NT5DC1: variants seen among roughly 807,000 people sequenced by gnomAD.
NT5DC1 encodes the protein 5'-nucleotidase domain-containing protein 1.
A neutral mutation model predicts 59.4 loss-of-function variants in NT5DC1; 42 were observed. The observed-to-expected ratio is 0.71, with a 90% confidence interval of 0.55 to 0.92. NT5DC1 has a LOEUF of 0.92. Among genes scored for constraint, NT5DC1 ranks in the 40% least tolerant of loss-of-function variants. NT5DC1 has a pLI of 0.00. For missense variants in NT5DC1, 501 were observed against 537.1 expected (o/e 0.93, Z 0.66); for synonymous variants, 172 against 188.1 (o/e 0.91, Z 0.70).
chr6:116,126,975 T>G (rs1562128398), intron 6 of NT5DC1, among the ~76,000 whole-genome samples: 1 of 152,126 alleles, frequency 6.6e-6, no homozygotes, highest in Non-Finnish European at 1.5e-5. Context: ...TTAACAATAT[T>G]AGGAAGCCTT....
intron 4 of NT5DC1, among the ~76,000 whole-genome samples, chr6:116,112,368 C>T (rs752230098): frequency 5.3e-5 from 8 of 152,086 alleles, no homozygotes; most frequent in Non-Finnish European, 1.2e-4. Context: ...AAAAAATGGC[C>T]TGTGATACCA....
intron 8 of NT5DC1, among the ~76,000 whole-genome samples, chr6:116,229,864 C>T (rs920676510): frequency 1.3e-5 from 2 of 152,164 alleles, no homozygotes; most frequent in African/African-American, 4.8e-5. Context: ...CCAAATCTTT[C>T]CCTGAGACCT....
At chr6:116,122,787 C>T (rs1292648485) in intron 6 of NT5DC1, among the ~76,000 whole-genome samples, 2 of 151,648 alleles carry the variant, frequency 1.3e-5, no homozygotes, top group Non-Finnish European at 1.5e-5. Flanking sequence ...ATAGATATGC[C>T]GAAATAGGAA....
At chr6:116,215,683 C>A (rs1485957080) in intron 6 of NT5DC1, among the ~76,000 whole-genome samples, 1 of 152,094 alleles carries the variant, frequency 6.6e-6, no homozygotes, top group Non-Finnish European at 1.5e-5. Flanking sequence ...AAACTAGGTT[C>A]TTTTAGAATG....
At chr6:116,178,340 A>G (rs1433528617) in intron 6 of NT5DC1, among the ~76,000 whole-genome samples, 1 of 152,164 alleles carries the variant, frequency 6.6e-6, no homozygotes, top group Non-Finnish European at 1.5e-5. Context: ...CATAAGCCCT[A>G]GGACACCTTT....
intron 6 of NT5DC1, among the ~76,000 whole-genome samples, chr6:116,200,593 A>C (rs750352413): frequency 2.6e-5 from 4 of 152,044 alleles, no homozygotes; most frequent in Non-Finnish European, 4.4e-5. Flanking sequence ...GTAAGACACT[A>C]TTATAAGTAA....
At chr6:116,154,291 T>G (rs1476904902) in intron 6 of NT5DC1, among the ~76,000 whole-genome samples, 1 of 152,156 alleles carries the variant, frequency 6.6e-6, no homozygotes, top group East Asian at 1.9e-4. Flanking sequence ...TGGAGTAGGT[T>G]TCGTCTAGCT....
chr6:116,239,459 A>G (rs574313234), intron 11 of NT5DC1, among the ~76,000 whole-genome samples: 2 of 152,306 alleles, frequency 1.3e-5, no homozygotes, highest in African/African-American at 4.8e-5. Context: ...AGGCGGCACC[A>G]CAGAGGGTGA....
At chr6:116,236,676 A>G (rs569162001) in intron 8 of NT5DC1, among the ~76,000 whole-genome samples, 1 of 152,332 alleles carries the variant, frequency 6.6e-6, no homozygotes, top group African/African-American at 2.4e-5. Flanking sequence ...AAGCAGAGGC[A>G]TGATGTCAAG....
intron 6 of NT5DC1, chr6:116,119,245 C>T (rs941465931): frequency 1.3e-5 from 2 of 152,622 alleles, no homozygotes; most frequent in African/African-American, 4.8e-5. Context: ...TGCTAATGTT[C>T]TGTAAATCCA....
At chr6:116,131,170 G>A (rs571495703) in intron 6 of NT5DC1, among the ~76,000 whole-genome samples, 9 of 152,062 alleles carry the variant, frequency 5.9e-5, no homozygotes, top group Non-Finnish European at 1.2e-4. Context: ...CCGTGGTATG[G>A]TCAGTTTCCA....
chr6:116,145,722 T>C (rs1256099974), intron 6 of NT5DC1, among the ~76,000 whole-genome samples: 1 of 152,234 alleles, frequency 6.6e-6, no homozygotes, highest in Non-Finnish European at 1.5e-5. Flanking sequence ...AAATAGTTTG[T>C]TTCATTTTTT....
chr6:116,230,039 G>A (rs1781987939), intron 8 of NT5DC1, among the ~76,000 whole-genome samples: 1 of 152,128 alleles, frequency 6.6e-6, no homozygotes, highest in African/African-American at 2.4e-5. Flanking sequence ...GAATTCTCCA[G>A]CTAATAACCT....
chr6:116,225,353 A>C (rs930525955), intron 8 of NT5DC1, among the ~76,000 whole-genome samples: 2 of 152,238 alleles, frequency 1.3e-5, no homozygotes, highest in Non-Finnish European at 2.9e-5. Flanking sequence ...CCAGGGGATT[A>C]TATGAAACCA....
At chr6:116,204,230 A>G (rs1781401992) in intron 6 of NT5DC1, among the ~76,000 whole-genome samples, 2 of 152,000 alleles carry the variant, frequency 1.3e-5, no homozygotes, top group Non-Finnish European at 2.9e-5. Context: ...TTGAATTTTT[A>G]TAATAAAGTA....
rs73566407 is a variant in NT5DC1, at chr6:116,136,551, G to A, written c.529+18606G>A. Among the ~76,000 whole-genome samples the A allele has an allele frequency of 4.1e-3, 617 of 152,168 alleles. 6 individuals carry two copies. Among genetic ancestry groups the A allele is most frequent in the African/African-American group, 0.014 (587 of 41,512 alleles). Reference sequence around the variant, plus strand: ...TTAGCTGGTAGGCGGCAGAACTGGGGTTTGAACCCAAGTTTTTCTTCCACA... The same window carrying A: ...TTAGCTGGTAGGCGGCAGAACTGGGATTTGAACCCAAGTTTTTCTTCCACA... On this transcript the variant is annotated intron_variant, in intron 6 of 11. Transcript: ENST00000319550.
chr6:116,117,436 C>G (rs1412881047), intron 5 of NT5DC1, among the ~76,000 whole-genome samples: 2 of 152,138 alleles, frequency 1.3e-5, no homozygotes, highest in Non-Finnish European at 2.9e-5. Flanking sequence ...TGCTCCCTAA[C>G]TTATGATGGG....
At chr6:116,102,603 T>C (rs1184138844) in intron 1 of NT5DC1, among the ~76,000 whole-genome samples, 2 of 152,254 alleles carry the variant, frequency 1.3e-5, no homozygotes, top group Non-Finnish European at 2.9e-5. Context: ...GATCATAAAA[T>C]TTCAGAATAT....
At chr6:116,172,308 C>T (rs1159013494) in intron 6 of NT5DC1, among the ~76,000 whole-genome samples, 1 of 148,444 alleles carries the variant, frequency 6.7e-6, no homozygotes, top group Non-Finnish European at 1.5e-5. Context: ...TAGTATAACC[C>T]CTTAGTAACT....
Sources: gnomAD v4.1 joint callset for allele counts (sites outside exome capture counted in the v4.1 genomes callset) on GRCh38, gnomAD v4.1.1 for gene constraint, MANE v1.5 for transcripts, NCBI Gene and HGNC (gene_info 2026-07-23, HGNC 2026-07-21) for gene names.